Variants in BABAM2 observed in about 807,000 individuals in gnomAD.
The protein encoded by BABAM2 is BRISC and BRCA1-A complex member 2.
BABAM2 carries 31 observed loss-of-function variants against 54.7 expected under a neutral mutation model. That is an observed-to-expected ratio of 0.57 (90% confidence interval 0.43 to 0.77). The LOEUF is 0.77. Ranked by LOEUF, BABAM2 falls within the 30% of genes least tolerant of loss-of-function variation. The probability of loss-of-function intolerance (pLI) is 0.00; values close to 1 mark genes in which losing one functional copy is unlikely to be tolerated. For missense variants in BABAM2, 364 were observed against 455.8 expected (o/e 0.80, Z 1.83); for synonymous variants, 167 against 162.9 (o/e 1.03, Z -0.19).
At chr2:28,214,597 T>C (rs572009750) in intron 7 of BABAM2, among the ~76,000 whole-genome samples, 1 of 152,192 alleles carries the variant, frequency 6.6e-6, no homozygotes, top group East Asian at 1.9e-4. Context: ...CTTCATTGCA[T>C]TGGCTAGGAC....
intron 11 of BABAM2, among the ~76,000 whole-genome samples, chr2:28,300,641 ATG>A (rs199872827): frequency 1.3e-5 from 2 of 151,404 alleles, no homozygotes; most frequent in African/African-American, 2.4e-5. Flanking sequence ...CTTGGTGTGT[ATG>A]TGTGTGTGTG....
At chr2:28,123,990 A>G (rs539546546) in intron 6 of BABAM2, among the ~76,000 whole-genome samples, 60 of 152,334 alleles carry the variant, frequency 3.9e-4, no homozygotes, top group African/African-American at 1.4e-3. Flanking sequence ...GGAAGTAATT[A>G]TAAATTACCC....
At chr2:28,138,082 T>C (rs1268877355) in intron 7 of BABAM2, among the ~76,000 whole-genome samples, 1 of 152,246 alleles carries the variant, frequency 6.6e-6, no homozygotes, top group Non-Finnish European at 1.5e-5. Context: ...CGATCATTAC[T>C]GTTTTATGCA....
At chr2:28,234,223 A>G (rs563626103) in intron 7 of BABAM2, among the ~76,000 whole-genome samples, 2 of 152,220 alleles carry the variant, frequency 1.3e-5, no homozygotes, top group African/African-American at 4.8e-5. Flanking sequence ...TTACAGCGAT[A>G]CTTCCCACCT....
chr2:28,104,865 A>G (rs1667372856), intron 6 of BABAM2, among the ~76,000 whole-genome samples: 1 of 152,206 alleles, frequency 6.6e-6, no homozygotes, highest in Non-Finnish European at 1.5e-5. Flanking sequence ...AGCCATAAAA[A>G]ATGATGAGTT....
At chr2:28,169,679 G>A (rs1318100626) in intron 7 of BABAM2, among the ~76,000 whole-genome samples, 2 of 151,868 alleles carry the variant, frequency 1.3e-5, no homozygotes, top group African/African-American at 4.8e-5. Context: ...GGGAGGCTGA[G>A]GCAGGAGGAT....
In BABAM2 at chr2:28,222,945, G is replaced by C. The variant is rs1401651560; in HGVS notation, c.681-14257G>C. Among the ~76,000 whole-genome samples, 3 of 152,178 alleles carry C rather than the reference G, an allele frequency of 2.0e-5. No individual in the cohort carries two copies. The East Asian group carries it at 5.8e-4, about 29-fold the overall frequency. Reference sequence around the variant, plus strand: ...CAGGCCCGCCCCGCACTCTGTCTGGGGAAGTGTGGGCCCTTGTTACTATTG... The same window carrying C: ...CAGGCCCGCCCCGCACTCTGTCTGGCGAAGTGTGGGCCCTTGTTACTATTG... On this transcript the variant is annotated intron_variant, in intron 7 of 11. Transcript: ENST00000379624.
At chr2:28,032,338 AC>A (rs1184259815) in intron 5 of BABAM2, among the ~76,000 whole-genome samples, 9 of 152,308 alleles carry the variant, frequency 5.9e-5, no homozygotes, top group Non-Finnish European at 1.3e-4. Flanking sequence ...GGAAAATGTT[AC>A]CATGTAGAAG....
upstream of BABAM2, chr2:27,890,210 C>G (rs754143786): frequency 5.1e-6 from 8 of 1,574,214 alleles, no homozygotes; most frequent in South Asian, 8.9e-5. The surrounding 1 kb of genome is among the most constrained non-coding windows in gnomAD (Gnocchi z 4.8). Context: ...GCGCACGGCA[C>G]GCCTCCTCCC....
chr2:28,272,693 G>A (rs1277474697), intron 10 of BABAM2, among the ~76,000 whole-genome samples: 1 of 152,322 alleles, frequency 6.6e-6, no homozygotes, highest in Non-Finnish European at 1.5e-5. Context: ...CAGAGGTACA[G>A]GATAATGCAA....
intron 6 of BABAM2, among the ~76,000 whole-genome samples, chr2:28,089,793 ATAT>A (rs1327850047): frequency 2.6e-5 from 4 of 152,178 alleles, no homozygotes; most frequent in Non-Finnish European, 5.9e-5. Flanking sequence ...GTAAAGTTAA[ATAT>A]GCTGTTAAAA....
chr2:27,932,843 C>T (rs1244633121), intron 3 of BABAM2, among the ~76,000 whole-genome samples: 1 of 152,206 alleles, frequency 6.6e-6, no homozygotes, highest in Non-Finnish European at 1.5e-5. Flanking sequence ...CAAAGCTTTC[C>T]TCTGCCCTAT....
chr2:28,309,155 G>C (rs1450193083), intron 11 of BABAM2: 1 of 152,242 alleles, frequency 6.6e-6, no homozygotes, highest in Non-Finnish European at 1.5e-5. Context: ...TGTTGGCAGA[G>C]TTCAGTTCCT....
chr2:28,268,612 A>G (rs71443014), intron 10 of BABAM2, among the ~76,000 whole-genome samples: 1 of 152,232 alleles, frequency 6.6e-6, no homozygotes, highest in African/African-American at 2.4e-5. Context: ...GAATGTGACA[A>G]GGAACAGATC....
chr2:28,175,469 C>T (rs1431114082), intron 7 of BABAM2, among the ~76,000 whole-genome samples: 2 of 152,214 alleles, frequency 1.3e-5, no homozygotes, highest in African/African-American at 4.8e-5. Flanking sequence ...GATTATCCCA[C>T]CCTGTCCCCA....
chr2:28,078,110 C>G (rs191863058), intron 6 of BABAM2, among the ~76,000 whole-genome samples: 16 of 152,222 alleles, frequency 1.1e-4, no homozygotes, highest in Admixed American at 3.9e-4. Context: ...ACATCCGGCT[C>G]TGTCCCACCC....
rs1344946787 is a variant in BABAM2 at position 27,995,438 on chromosome 2, C to T, written c.300+7351C>T. Among the ~76,000 whole-genome samples the T allele has an allele frequency of 6.6e-6, 1 of 152,132 alleles. No individual in the cohort carries two copies. Among genetic ancestry groups the T allele is most frequent in the African/African-American group, 2.4e-5 (1 of 41,408 alleles). ...GAAGAAAAATGTTTACAGGGTCTGG[C>T]CCCCGCTTCATAAACAGGGTAAAGC... On this transcript the variant is annotated intron_variant, in intron 4 of 11. Coordinates refer to ENST00000379624, the MANE Select transcript of BABAM2 (RefSeq NM_199191.3). The surrounding 1 kb of genome is among the most constrained non-coding windows in gnomAD (Gnocchi z 4.1).
upstream of BABAM2, chr2:27,890,602 A>G: frequency 2.2e-6 from 1 of 452,318 alleles, no homozygotes. This position sits in a 1 kb window ranked among gnomAD's most constrained non-coding sequence, Gnocchi z 4.8. Flanking sequence ...CTCACGGGGC[A>G]GGCGCTGAGG....
At chr2:27,896,789 G>C (rs1008550082) in intron 2 of BABAM2, 1 of 235,962 alleles carries the variant, frequency 4.2e-6, no homozygotes, top group Non-Finnish European at 8.6e-6. Flanking sequence ...TGCCCAGCTG[G>C]GTCTGGAGCA....
Sources: allele counts gnomAD v4.1 joint callset (sites outside exome capture counted in the v4.1 genomes callset), GRCh38; gene constraint gnomAD v4.1.1; non-coding constraint Gnocchi (gnomAD v3.1); transcripts MANE v1.5; gene names NCBI Gene and HGNC (gene_info 2026-07-23, HGNC 2026-07-21).